The following DMRT1 variants were observed in gnomAD, a reference collection of about 807,000 sequenced individuals.
DMRT1 encodes doublesex and mab-3 related transcription factor 1, also known as doublesex- and mab-3-related transcription factor 1.
In DMRT1, 7 loss-of-function variants were observed where a neutral mutation model predicts 32.3. The observed-to-expected ratio is 0.22, with a 90% confidence interval of 0.12 to 0.41. The LOEUF (loss-of-function observed/expected upper bound fraction) is 0.41, where lower values mean the gene tolerates loss of function less well. Among genes scored for constraint, DMRT1 ranks in the 10% least tolerant of loss-of-function variants. The probability of loss-of-function intolerance (pLI) is 1.00; values close to 1 mark genes in which losing one functional copy is unlikely to be tolerated. For synonymous variants in DMRT1, 278 were observed against 206.1 expected (o/e 1.35, Z -2.99); for missense variants, 625 against 500.5 (o/e 1.25, Z -2.37).
intron 4 of DMRT1, among the ~76,000 whole-genome samples, chr9:945,310 C>T (rs562881733): frequency 8.3e-4 from 127 of 152,256 alleles, no homozygotes; most frequent in African/African-American, 2.6e-3. Flanking sequence ...CCTGCCATCA[C>T]GCCTGGCTAA....
intron 1 of DMRT1, among the ~76,000 whole-genome samples, chr9:843,394 T>G (rs1279833855): frequency 1.3e-5 from 2 of 152,266 alleles, no homozygotes. Context: ...TCTGGAAATT[T>G]TATTAGCATT....
At chr9:861,220 T>C (rs7863616) in intron 2 of DMRT1, among the ~76,000 whole-genome samples, 91,798 of 151,634 alleles carry the variant, frequency 0.61, 27,823 homozygotes, top group East Asian at 0.66. Flanking sequence ...TTCCGTCTTC[T>C]GCAGTGTTTG....
chr9:890,524 T>G (rs16925320), intron 2 of DMRT1, among the ~76,000 whole-genome samples: 1 of 152,112 alleles, frequency 6.6e-6, no homozygotes, highest in Admixed American at 6.5e-5. Flanking sequence ...AATTTTGTTG[T>G]AGATCTCAGC....
intron 2 of DMRT1, among the ~76,000 whole-genome samples, chr9:877,252 TTGAG>T (rs1241748051): frequency 6.6e-6 from 1 of 151,714 alleles, no homozygotes; most frequent in African/African-American, 2.4e-5. Flanking sequence ...AATAAAAAAA[TTGAG>T]TGGTCTCGTT....
intron 2 of DMRT1, among the ~76,000 whole-genome samples, chr9:888,939 C>T (rs1817036875): frequency 6.8e-6 from 1 of 147,622 alleles, no homozygotes; most frequent in African/African-American, 2.5e-5. Context: ...CCAGCCTAGG[C>T]AACATGGTGA....
chr9:858,324 A>G (rs1815492461), intron 2 of DMRT1, among the ~76,000 whole-genome samples: 1 of 152,094 alleles, frequency 6.6e-6, no homozygotes, highest in Non-Finnish European at 1.5e-5. Flanking sequence ...GCTTGCTGCC[A>G]TAGGGAACTT....
chr9:856,066 G>T (rs1205808446), intron 2 of DMRT1, among the ~76,000 whole-genome samples: 1 of 151,954 alleles, frequency 6.6e-6, no homozygotes, highest in Non-Finnish European at 1.5e-5. Flanking sequence ...ACAGGCGCCC[G>T]CCACCATGCC....
At chr9:956,050 C>T (rs915963178) in intron 4 of DMRT1, among the ~76,000 whole-genome samples, 1 of 152,174 alleles carries the variant, frequency 6.6e-6, no homozygotes. Context: ...GATGGATAAA[C>T]AAAAGGTGTA....
At chr9:862,714 G>C (rs1815773351) in intron 2 of DMRT1, among the ~76,000 whole-genome samples, 1 of 152,098 alleles carries the variant, frequency 6.6e-6, no homozygotes, top group Non-Finnish European at 1.5e-5. Flanking sequence ...GTCTATACTG[G>C]GGGTACGTTG....
At chr9:868,559 G>T (rs1487749594) in intron 2 of DMRT1, among the ~76,000 whole-genome samples, 8 of 152,164 alleles carry the variant, frequency 5.3e-5, no homozygotes, top group Admixed American at 5.2e-4. Context: ...TTTGTGTGCT[G>T]GGCACCTTTC....
intron 4 of DMRT1, among the ~76,000 whole-genome samples, chr9:960,221 G>C (rs17384966): frequency 0.077 from 11,770 of 152,282 alleles, 630 homozygotes; most frequent in South Asian, 0.23. Flanking sequence ...TTTTAGCTTG[G>C]AATTCATTTT....
chr9:903,317 C>T (rs1302157691), intron 3 of DMRT1, among the ~76,000 whole-genome samples: 3 of 151,970 alleles, frequency 2.0e-5, no homozygotes, highest in South Asian at 2.1e-4. Context: ...AATGCAGTCC[C>T]GGCTTTCTGT....
intron 4 of DMRT1, among the ~76,000 whole-genome samples, chr9:946,750 G>A (rs1819259102): frequency 6.6e-6 from 1 of 152,190 alleles, no homozygotes; most frequent in Non-Finnish European, 1.5e-5. Context: ...ACATGATGTG[G>A]GGACAATTGT....
At chr9:855,975 G>T (rs192942268) in intron 2 of DMRT1, among the ~76,000 whole-genome samples, 1 of 151,876 alleles carries the variant, frequency 6.6e-6, no homozygotes, top group Non-Finnish European at 1.5e-5. Flanking sequence ...GGAGTGCAAT[G>T]GCATGATCTC....
chr9:882,315 TGG>T (rs1816763945), intron 2 of DMRT1, among the ~76,000 whole-genome samples: 1 of 152,224 alleles, frequency 6.6e-6, no homozygotes, highest in South Asian at 2.1e-4. Flanking sequence ...CCTCCTGCAG[TGG>T]ACCCTGTGCT....
chr9:910,320 A>T (rs1398843123), intron 3 of DMRT1, among the ~76,000 whole-genome samples: 1 of 133,922 alleles, frequency 7.5e-6, no homozygotes, highest in Non-Finnish European at 1.5e-5. Flanking sequence ...CTTAGAAATT[A>T]AAAAAAAAAA....
intron 3 of DMRT1, among the ~76,000 whole-genome samples, chr9:903,824 G>A (rs181720883): frequency 2.2e-4 from 34 of 152,314 alleles, no homozygotes; most frequent in African/African-American, 7.9e-4. Context: ...GCAGACCTGG[G>A]CATCCTAAGG....
chr9:843,973 C>T (rs918014389), intron 1 of DMRT1, among the ~76,000 whole-genome samples: 56 of 148,672 alleles, frequency 3.8e-4, no homozygotes, highest in African/African-American at 1.3e-3. Context: ...AAATGCATCA[C>T]AATGAGTTTA....
intron 4 of DMRT1, among the ~76,000 whole-genome samples, chr9:967,584 G>A (rs555285043): frequency 3.9e-5 from 6 of 152,308 alleles, no homozygotes; most frequent in East Asian, 1.9e-4. Flanking sequence ...AAATGCATGG[G>A]TGGAGTCTTG....
Sources: allele counts gnomAD v4.1 joint callset (sites outside exome capture counted in the v4.1 genomes callset), GRCh38; gene constraint gnomAD v4.1.1; transcripts MANE v1.5; gene names NCBI Gene and HGNC (gene_info 2026-07-23, HGNC 2026-07-21).